DCDC2: variants seen among roughly 807,000 people sequenced by gnomAD.
DCDC2 encodes the protein doublecortin domain-containing protein 2.
Under a neutral mutation model 50.2 loss-of-function variants are expected in DCDC2, and 40 were observed. The observed-to-expected ratio is 0.80, with a 90% CI of 0.62 to 1.04. The LOEUF (loss-of-function observed/expected upper bound fraction) is 1.04. DCDC2 is among the 50% of genes least tolerant of loss of function. The probability of loss-of-function intolerance (pLI) is 0.00; values close to 1 mark genes in which losing one functional copy is unlikely to be tolerated. For missense variants in DCDC2, 570 were observed against 581.9 expected, an observed-to-expected ratio of 0.98 and a Z score of 0.21; for synonymous variants, 234 against 210.6, an observed-to-expected ratio of 1.11 and a Z score of -0.96.
chr6:24,357,301 C>T (rs2282398), intron 1 of DCDC2, 157 bp downstream of exon 1: 3 of 836,450 alleles, frequency 3.6e-6, no homozygotes, highest in African/African-American at 3.4e-5. Context: ...ACCTCTACCC[C>T]CCAACTGCAA....
chr6:24,363,977 G>A, the DCDC2 span, among the ~76,000 whole-genome samples: 5 of 152,080 alleles, frequency 3.3e-5, no homozygotes, highest in African/African-American at 7.2e-5. Flanking sequence ...TACTCTTGTT[G>A]CTTTAGTTTC....
intron 8 of DCDC2, among the ~76,000 whole-genome samples, chr6:24,183,121 T>A (rs944627802): frequency 2.0e-5 from 3 of 152,152 alleles, no homozygotes; most frequent in Non-Finnish European, 4.4e-5. Flanking sequence ...AGAATGCTGA[T>A]TGCCAGGTTG....
chr6:24,294,536 GT>G (rs1763819254), intron 4 of DCDC2, among the ~76,000 whole-genome samples: 1 of 151,866 alleles, frequency 6.6e-6, no homozygotes, highest in South Asian at 2.1e-4. Context: ...CCAGGAGTTG[GT>G]TTTTAAAAAA....
At chr6:24,375,420 C>T in the DCDC2 span, among the ~76,000 whole-genome samples, 16 of 24,210 alleles carry the variant, frequency 6.6e-4, no homozygotes, top group Admixed American at 2.6e-3. Flanking sequence ...TGTGTAAACT[C>T]CCCCCCCCAA....
intron 7 of DCDC2, among the ~76,000 whole-genome samples, chr6:24,238,742 A>G (rs920309320): frequency 2.0e-5 from 3 of 152,188 alleles, no homozygotes; most frequent in Non-Finnish European, 4.4e-5. Flanking sequence ...TCAAATACCT[A>G]AAGGATTATC....
intron 2 of DCDC2, among the ~76,000 whole-genome samples, chr6:24,329,129 G>A (rs143512806): frequency 1.3e-5 from 2 of 152,166 alleles, no homozygotes; most frequent in Non-Finnish European, 2.9e-5. Context: ...GGTAAAAAAT[G>A]ATGAGCCCTC....
chr6:24,332,091 T>C (rs1448024942), intron 2 of DCDC2, among the ~76,000 whole-genome samples: 2 of 152,192 alleles, frequency 1.3e-5, no homozygotes, highest in South Asian at 4.1e-4. Context: ...GCTACATATC[T>C]AAATGAATTG....
the DCDC2 span, among the ~76,000 whole-genome samples, chr6:24,379,050 A>G: frequency 6.6e-6 from 1 of 152,080 alleles, no homozygotes; most frequent in East Asian, 1.9e-4. Context: ...TTAACTCAAG[A>G]TGGATTAAAG....
chr6:24,327,831 C>G (rs1461040584), intron 2 of DCDC2, among the ~76,000 whole-genome samples: 4 of 152,040 alleles, frequency 2.6e-5, no homozygotes, highest in Non-Finnish European at 5.9e-5. Context: ...AATGAATATT[C>G]TTTAAATAAA....
chr6:24,364,613 A>C, the DCDC2 span, among the ~76,000 whole-genome samples: 1 of 152,252 alleles, frequency 6.6e-6, no homozygotes, highest in African/African-American at 2.4e-5. Context: ...GGAACATAGT[A>C]AGTATTAAAT....
chr6:24,274,977 T>C (rs1290566909), intron 7 of DCDC2, among the ~76,000 whole-genome samples: 5 of 152,156 alleles, frequency 3.3e-5, no homozygotes, highest in African/African-American at 1.2e-4. Context: ...ATATCAAATT[T>C]AAAATACATT....
At chr6:24,323,560 C>T (rs1003525343) in intron 2 of DCDC2, among the ~76,000 whole-genome samples, 4 of 152,132 alleles carry the variant, frequency 2.6e-5, no homozygotes, top group African/African-American at 9.7e-5. Flanking sequence ...CAACTTTTTT[C>T]TAAAATCATT....
intron 2 of DCDC2, among the ~76,000 whole-genome samples, chr6:24,330,345 C>T (rs1759944489): frequency 6.6e-6 from 1 of 152,166 alleles, no homozygotes; most frequent in African/African-American, 2.4e-5. Flanking sequence ...ACTCTAAAAC[C>T]TGCCCTATGT....
At chr6:24,369,854 A>G in the DCDC2 span, among the ~76,000 whole-genome samples, 1 of 151,824 alleles carries the variant, frequency 6.6e-6, no homozygotes, top group Non-Finnish European at 1.5e-5. Flanking sequence ...AGCCTGGGCA[A>G]TGTGGCAAGA....
chr6:24,223,651 A>G (rs944502018), intron 7 of DCDC2, among the ~76,000 whole-genome samples: 1 of 152,244 alleles, frequency 6.6e-6, no homozygotes, highest in Non-Finnish European at 1.5e-5. Flanking sequence ...ATTTTTTTGC[A>G]TATCCGACTT....
In DCDC2 at chr6:24,220,143, T is replaced by C. The variant is rs987813305; in HGVS notation, c.923-15041A>G. ...AGAGGGTTGGTAGAATGTATACCTA[T>C]CAAGAAGTAAAATAAAAACAGTTGA... is the stretch of plus-strand genomic sequence containing the variant. On this transcript the variant is annotated intron_variant, in intron 7 of 9. Coordinates refer to ENST00000378454, the MANE Select transcript of DCDC2 (RefSeq NM_016356.5). Among the ~76,000 whole-genome samples, 42 of 152,204 alleles carry C rather than the reference T, an allele frequency of 2.8e-4. 1 individual carries two copies. Among genetic ancestry groups the C allele is most frequent in the Admixed American group, 3.3e-4 (5 of 15,286 alleles).
At chr6:24,357,315 G>C (rs1424366534) in intron 1 of DCDC2, 143 bp downstream of exon 1, 6 of 961,656 alleles carry the variant, frequency 6.2e-6, no homozygotes, top group Non-Finnish European at 8.9e-6. Flanking sequence ...ACTGCAACGA[G>C]AGTTTTGAGG....
chr6:24,182,480 A>T (rs1286249288), intron 8 of DCDC2, among the ~76,000 whole-genome samples: 1 of 152,124 alleles, frequency 6.6e-6, no homozygotes, highest in Non-Finnish European at 1.5e-5. Context: ...CTCATTCAAA[A>T]ATGTGCGAAG....
Position 24,290,908 on chromosome 6 carries a change from G to A in DCDC2, c.704+24C>T, listed in dbSNP as rs755059114. Reference sequence around the variant, plus strand: ...ATTTCAAGTGGTAACTAAAGCATGAGGAGTGGTAAGGAGTAAGACTTACCC... The same window carrying A: ...ATTTCAAGTGGTAACTAAAGCATGAAGAGTGGTAAGGAGTAAGACTTACCC... On this transcript the variant is annotated intron_variant, in intron 5 of 9. Transcript: ENST00000378454. 1.9e-6 allele frequency: 3 copies of A among 1,592,644 alleles called. No homozygotes were observed. In the South Asian group the frequency reaches 3.4e-5, roughly 18 times the overall value.
Sources: gnomAD v4.1 joint callset for allele counts (sites outside exome capture counted in the v4.1 genomes callset) on GRCh38, gnomAD v4.1.1 for gene constraint, MANE v1.5 for transcripts, NCBI Gene and HGNC (gene_info 2026-07-23, HGNC 2026-07-21) for gene names.